CCDC30: variants seen among roughly 807,000 people sequenced by gnomAD.
CCDC30 encodes the protein coiled-coil domain-containing protein 30.
In CCDC30, 70 loss-of-function variants were observed where a neutral mutation model predicts 100.2. The observed-to-expected ratio is 0.70, with a 90% CI of 0.58 to 0.85. CCDC30 has a LOEUF of 0.85. Ranked by LOEUF, CCDC30 falls within the 40% of genes least tolerant of loss-of-function variation. CCDC30 has a pLI of 0.00. For synonymous variants in CCDC30, 233 were observed against 269.5 expected, an observed-to-expected ratio of 0.86 and a Z score of 1.33; for missense variants, 652 against 771.2, an observed-to-expected ratio of 0.85 and a Z score of 1.83.
Position 42,577,236 on chromosome 1 carries a change from A to C in CCDC30, c.846+7A>C. ...TGCTGATGCAGAGGAAAAGGTAATT[A>C]TCCTCATGCTTAATAAACAGCATAC... On this transcript the variant is annotated splice_region_variant and intron_variant, in intron 8 of 16. Transcript: ENST00000668663. The C allele has an allele frequency of 6.4e-7, 1 of 1,569,152 alleles. No homozygotes were observed. The highest frequency in any genetic ancestry group is 8.8e-7 in the Non-Finnish European group (1 of 1,139,342).
chr1:42,529,993 T>C (rs1038730509), intron 6 of CCDC30, among the ~76,000 whole-genome samples: 3 of 152,252 alleles, frequency 2.0e-5, no homozygotes, highest in African/African-American at 7.2e-5. Flanking sequence ...TACACTGTCC[T>C]GCTGGGATGG....
chr1:42,628,339 A>T (rs1396773719), intron 11 of CCDC30, among the ~76,000 whole-genome samples: 1 of 152,212 alleles, frequency 6.6e-6, no homozygotes, highest in Non-Finnish European at 1.5e-5. Context: ...GCTCATAGGC[A>T]GAAGGGACTT....
intron 6 of CCDC30, among the ~76,000 whole-genome samples, chr1:42,538,516 G>A (rs1005780477): frequency 3.3e-5 from 5 of 152,094 alleles, no homozygotes; most frequent in Non-Finnish European, 7.3e-5. Context: ...GATGGTTTGA[G>A]CCCAGGAGTT....
chr1:42,461,995 C>T (rs148106592), upstream of CCDC30, among the ~76,000 whole-genome samples: 1 of 152,326 alleles, frequency 6.6e-6, no homozygotes, highest in Non-Finnish European at 1.5e-5. Flanking sequence ...TGGATGATGA[C>T]TGTCATCTTT....
chr1:42,622,940 G>A (rs1646868493), intron 11 of CCDC30, among the ~76,000 whole-genome samples: 2 of 152,142 alleles, frequency 1.3e-5, no homozygotes, highest in Admixed American at 1.3e-4. Context: ...GGGGTGCGAT[G>A]ACCTCTCATT....
intron 6 of CCDC30, among the ~76,000 whole-genome samples, chr1:42,552,567 C>CG (rs1645274122): frequency 2.0e-5 from 3 of 151,542 alleles, no homozygotes; most frequent in Non-Finnish European, 4.4e-5. Context: ...ATGGATTTTC[C>CG]ATTTTTTAAA....
At position 42,611,109 on chromosome 1, in the gene CCDC30, T is replaced by C. The variant is rs1418567210; in HGVS notation, c.1277+19T>C. The C allele has an allele frequency of 4.9e-6, 7 of 1,420,660 alleles. No individual in the cohort carries two copies. The highest frequency in any genetic ancestry group is 7.0e-6 in the Non-Finnish European group (7 of 1,004,772). The allele number at this position is 1,420,660 out of a possible 1,614,324, so 88.0% of individuals were successfully genotyped here. On this transcript the variant is annotated intron_variant, in intron 11 of 16. Transcript: ENST00000668663. ...ATGTGAGGTAAACAAAGACAAGTTC[T>C]CTTTGGAAGAAAACTATGTAGAGTA...
chr1:42,632,618 G>A (rs1647060575), intron 11 of CCDC30, among the ~76,000 whole-genome samples: 1 of 151,188 alleles, frequency 6.6e-6, no homozygotes, highest in Non-Finnish European at 1.5e-5. Flanking sequence ...AAATTAGCCG[G>A]GCGTGATGGT....
chr1:42,562,430 C>T (rs112183336), intron 6 of CCDC30, among the ~76,000 whole-genome samples: 3,745 of 152,256 alleles, frequency 0.025, 64 homozygotes, highest in Non-Finnish European at 0.04. Context: ...TGGACCCCTT[C>T]CTGACACCTT....
intron 6 of CCDC30, among the ~76,000 whole-genome samples, chr1:42,541,652 G>C (rs987078844): frequency 3.3e-5 from 5 of 152,206 alleles, no homozygotes; most frequent in Non-Finnish European, 7.3e-5. Flanking sequence ...CTTTGCAATA[G>C]ATACATATCT....
the CCDC30 span, chr1:42,457,258 A>G: frequency 1.9e-6 from 3 of 1,614,128 alleles, no homozygotes; most frequent in Non-Finnish European, 2.5e-6. Context: ...CCCTTCTGCG[A>G]TGTTTTACCT....
At chr1:42,530,641 C>A (rs1044468375) in intron 6 of CCDC30, among the ~76,000 whole-genome samples, 2 of 152,132 alleles carry the variant, frequency 1.3e-5, no homozygotes, top group African/African-American at 4.8e-5. Context: ...TGAGACTCAT[C>A]TCTCAATTTA....
At chr1:42,476,965 AT>A (rs1163232343) in intron 1 of CCDC30, among the ~76,000 whole-genome samples, 1 of 145,950 alleles carries the variant, frequency 6.9e-6, no homozygotes, top group South Asian at 2.1e-4. Context: ...CTGTACCCTC[AT>A]TTTTTCCTTT....
intron 6 of CCDC30, among the ~76,000 whole-genome samples, chr1:42,547,596 G>C (rs904697208): frequency 6.6e-6 from 1 of 152,140 alleles, no homozygotes; most frequent in Non-Finnish European, 1.5e-5. Flanking sequence ...CCTCTTAAGA[G>C]CTCCTTGATG....
chr1:42,469,936 T>C (rs1557787504), intron 1 of CCDC30, among the ~76,000 whole-genome samples: 1 of 152,198 alleles, frequency 6.6e-6, no homozygotes, highest in Non-Finnish European at 1.5e-5. Flanking sequence ...GTTGAGAAGC[T>C]TGGCTCAGAC....
chr1:42,567,139 T>A (rs1645621950), intron 7 of CCDC30, among the ~76,000 whole-genome samples: 1 of 152,056 alleles, frequency 6.6e-6, no homozygotes. Context: ...GTAGACACAC[T>A]GAGAGTTTAA....
chr1:42,627,376 A>C (rs1646953022), intron 11 of CCDC30, among the ~76,000 whole-genome samples: 1 of 152,216 alleles, frequency 6.6e-6, no homozygotes, highest in African/African-American at 2.4e-5. Context: ...CAGAGCATAA[A>C]AATTCAGAAA....
At chr1:42,484,521 G>A (rs1423626083) in intron 3 of CCDC30, among the ~76,000 whole-genome samples, 2 of 152,172 alleles carry the variant, frequency 1.3e-5, no homozygotes, top group East Asian at 1.9e-4. Flanking sequence ...AATCCCAGAC[G>A]TATCAACTGA....
intron 6 of CCDC30, among the ~76,000 whole-genome samples, chr1:42,504,255 G>A (rs1034844773): frequency 1.7e-4 from 26 of 152,190 alleles, no homozygotes; most frequent in East Asian, 1.9e-4. Context: ...CCCTCATTCC[G>A]GTAAGCCCAC....
Sources: gnomAD v4.1 joint callset for allele counts (sites outside exome capture counted in the v4.1 genomes callset) on GRCh38, gnomAD v4.1.1 for gene constraint, MANE v1.5 for transcripts, NCBI Gene and HGNC (gene_info 2026-07-23, HGNC 2026-07-21) for gene names.